Variants in HHAT observed in about 807,000 individuals in gnomAD.
HHAT encodes the protein protein-cysteine N-palmitoyltransferase HHAT.
In HHAT, 47 loss-of-function variants were observed where a neutral mutation model predicts 70.8. The observed-to-expected ratio is 0.66, with a 90% CI of 0.53 to 0.85. The LOEUF is 0.85. HHAT is among the 40% of genes least tolerant of loss of function. The pLI is 0.00. For synonymous variants in HHAT, 228 were observed against 247.6 expected, an observed-to-expected ratio of 0.92 and a Z score of 0.74; for missense variants, 609 against 604.8, an observed-to-expected ratio of 1.01 and a Z score of -0.07.
At chr1:210,559,202 T>A (rs1209993541) in intron 9 of HHAT, among the ~76,000 whole-genome samples, 2 of 152,220 alleles carry the variant, frequency 1.3e-5, no homozygotes, top group African/African-American at 2.4e-5. Context: ...ATTGTATTTT[T>A]AAAATAGTAA....
At chr1:210,432,332 G>C (rs571653555) in intron 7 of HHAT, among the ~76,000 whole-genome samples, 1 of 151,994 alleles carries the variant, frequency 6.6e-6, no homozygotes, top group South Asian at 2.1e-4. Context: ...AGTCAGTAAC[G>C]AATGAGAAGG....
At chr1:210,410,099 A>T (rs368485340) in intron 6 of HHAT, among the ~76,000 whole-genome samples, 1 of 151,208 alleles carries the variant, frequency 6.6e-6, no homozygotes, top group South Asian at 2.1e-4. Context: ...GTCGCCCAGG[A>T]TGGAGTGCAG....
At chr1:210,557,600 T>C (rs1171877343) in intron 9 of HHAT, among the ~76,000 whole-genome samples, 1 of 152,154 alleles carries the variant, frequency 6.6e-6, no homozygotes, top group Non-Finnish European at 1.5e-5. Flanking sequence ...CTCAGAATCA[T>C]GGCGGGTGGT....
intron 1 of HHAT, chr1:210,329,331 G>A (rs1286236012): frequency 3.3e-6 from 4 of 1,211,390 alleles, no homozygotes; most frequent in South Asian, 8.0e-5. Context: ...GGATCTAGGC[G>A]CCGGGACAAG....
At chr1:210,401,916 T>A (rs1397426535) in intron 5 of HHAT, among the ~76,000 whole-genome samples, 2 of 152,204 alleles carry the variant, frequency 1.3e-5, no homozygotes, top group Non-Finnish European at 2.9e-5. Context: ...TCTGTTTCTG[T>A]CTTTGGTAAC....
intron 11 of HHAT, among the ~76,000 whole-genome samples, chr1:210,652,594 G>T (rs1348142099): frequency 6.6e-6 from 1 of 152,190 alleles, no homozygotes; most frequent in Non-Finnish European, 1.5e-5. Context: ...GCAACTCAGT[G>T]CCCTTGCCTG....
chr1:210,502,990 C>T (rs1425153988), intron 8 of HHAT, among the ~76,000 whole-genome samples: 3 of 148,698 alleles, frequency 2.0e-5, no homozygotes, highest in African/African-American at 5.0e-5. Context: ...TTTTTTGAGA[C>T]GGTCTCCCTC....
intron 1 of HHAT, among the ~76,000 whole-genome samples, chr1:210,335,331 G>C (rs1442620066): frequency 9.3e-6 from 1 of 107,330 alleles, no homozygotes; most frequent in Non-Finnish European, 2.0e-5. Context: ...AAAAAAAAAA[G>C]CCTCTTTGCA....
intron 6 of HHAT, among the ~76,000 whole-genome samples, chr1:210,411,780 G>A (rs1416858748): frequency 6.6e-6 from 1 of 152,034 alleles, no homozygotes; most frequent in African/African-American, 2.4e-5. Context: ...GGAAAGACCT[G>A]TCCATTGGTC....
intron 9 of HHAT, among the ~76,000 whole-genome samples, chr1:210,558,707 C>G (rs1243189412): frequency 6.6e-6 from 1 of 152,122 alleles, no homozygotes; most frequent in Non-Finnish European, 1.5e-5. Context: ...TAAGCAGTCT[C>G]TGCCATTTTC....
chr1:210,638,298 G>C (rs1213552994), intron 11 of HHAT, among the ~76,000 whole-genome samples: 1 of 152,128 alleles, frequency 6.6e-6, no homozygotes, highest in Non-Finnish European at 1.5e-5. Context: ...CCAAACATCT[G>C]TCAAATGATA....
intron 9 of HHAT, among the ~76,000 whole-genome samples, chr1:210,517,244 T>A (rs1572977253): frequency 6.6e-6 from 1 of 152,216 alleles, no homozygotes; most frequent in East Asian, 1.9e-4. Flanking sequence ...AGTAAGTGAT[T>A]TTGGTTTGAT....
intron 7 of HHAT, among the ~76,000 whole-genome samples, chr1:210,460,235 T>TG (rs1018562812): frequency 8.8e-4 from 134 of 152,320 alleles, no homozygotes; most frequent in African/African-American, 3.1e-3. Flanking sequence ...TTACTCTTGC[T>TG]GGGGGAGTGG....
chr1:210,470,310 C>T (rs1240539537), intron 8 of HHAT, among the ~76,000 whole-genome samples: 2 of 152,162 alleles, frequency 1.3e-5, no homozygotes, highest in African/African-American at 4.8e-5. Context: ...ACCTCTCCCT[C>T]ACTGCTCACA....
chr1:210,652,973 AT>A lies in HHAT; in HGVS notation c.1391-21312del, dbSNP rs556735425. 4.4e-4 allele frequency among the ~76,000 whole-genome samples: 67 copies of A among 152,326 alleles called. 1 individual carries two copies. In the East Asian group the frequency reaches 0.011, roughly 26 times the overall value. ...TCTAGGACTTTGACATCCAGACATA[AT>A]TTCACACATGTGAAATGAAATATAC... On this transcript the variant is annotated intron_variant, in intron 11 of 11. Coordinates refer to ENST00000261458, the MANE Select transcript of HHAT (RefSeq NM_018194.6).
At chr1:210,470,150 A>G (rs1424241347) in intron 8 of HHAT, among the ~76,000 whole-genome samples, 1 of 152,030 alleles carries the variant, frequency 6.6e-6, no homozygotes, top group Non-Finnish European at 1.5e-5. Context: ...CAGACCCACC[A>G]TTTGTTTGTT....
intron 11 of HHAT, among the ~76,000 whole-genome samples, chr1:210,667,399 T>C (rs1424534786): frequency 6.6e-6 from 1 of 151,874 alleles, no homozygotes; most frequent in African/African-American, 2.4e-5. Flanking sequence ...AATAAATAAA[T>C]AAATAAATAA....
At chr1:210,590,473 A>G (rs1219171030) in intron 10 of HHAT, 1 of 145,376 alleles carries the variant, frequency 6.9e-6, no homozygotes, top group East Asian at 2.0e-4. Context: ...TAGTATACAG[A>G]ATTAGACCAT....
intron 1 of HHAT, among the ~76,000 whole-genome samples, chr1:210,343,217 C>T (rs1461134734): frequency 6.6e-6 from 1 of 152,064 alleles, no homozygotes; most frequent in Admixed American, 6.6e-5. Context: ...AGCAGCTGAC[C>T]AGTCATTACC....
Sources: allele counts gnomAD v4.1 joint callset (sites outside exome capture counted in the v4.1 genomes callset), GRCh38; gene constraint gnomAD v4.1.1; transcripts MANE v1.5; gene names NCBI Gene and HGNC (gene_info 2026-07-23, HGNC 2026-07-21).